CASZ1: variants seen among roughly 807,000 people sequenced by gnomAD.
The protein encoded by CASZ1 is castor zinc finger 1.
In CASZ1, 28 loss-of-function variants were observed where a neutral mutation model predicts 135.2. That is an observed-to-expected ratio of 0.21 (90% confidence interval 0.15 to 0.28). CASZ1 has a LOEUF of 0.28. Ranked by LOEUF, CASZ1 falls within the 10% of genes least tolerant of loss-of-function variation. CASZ1 has a pLI of 1.00. For synonymous variants in CASZ1, 1,068 were observed against 1,073.4 expected, an observed-to-expected ratio of 0.99 and a Z score of 0.10; for missense variants, 2,161 against 2,453.3, an observed-to-expected ratio of 0.88 and a Z score of 2.52.
chr1:10,713,215 T>G (rs1253613227), intron 2 of CASZ1, among the ~76,000 whole-genome samples: 1 of 152,214 alleles, frequency 6.6e-6, no homozygotes, highest in Non-Finnish European at 1.5e-5. Context: ...GAAAATCAGC[T>G]CATTACATCC....
At chr1:10,702,472 T>C (rs1639081320) in intron 3 of CASZ1, among the ~76,000 whole-genome samples, 1 of 152,066 alleles carries the variant, frequency 6.6e-6, no homozygotes, top group Non-Finnish European at 1.5e-5. Flanking sequence ...AGCATCTGGG[T>C]GGAACAGGGA....
At chr1:10,654,274 C>T (rs928345398) in intron 10 of CASZ1, 56 bp from the exon 11 acceptor site, 10 of 1,521,602 alleles carry the variant, frequency 6.6e-6, no homozygotes, top group African/African-American at 6.4e-5. Context: ...CACCCTGCTA[C>T]ACCATGGCCC....
chr1:10,723,613 T>C (rs577557333), intron 2 of CASZ1, among the ~76,000 whole-genome samples: 1 of 152,260 alleles, frequency 6.6e-6, no homozygotes, highest in Non-Finnish European at 1.5e-5. Context: ...GGCAATGGGG[T>C]CCTGCGCTTT....
At chr1:10,648,375 G>A (rs1246651347) in intron 15 of CASZ1, 1 of 459,988 alleles carries the variant, frequency 2.2e-6, no homozygotes, top group Non-Finnish European at 3.8e-6. Flanking sequence ...CTTCCTACTT[G>A]TGCCCTTCCT....
intron 1 of CASZ1, among the ~76,000 whole-genome samples, chr1:10,790,696 T>C (rs551119265): frequency 6.6e-6 from 1 of 152,382 alleles, no homozygotes; most frequent in African/African-American, 2.4e-5. Flanking sequence ...GAATATTCTT[T>C]TTAATTGTGT....
chr1:10,639,347 C>T lies in CASZ1; in HGVS notation c.4875G>A (p.Glu1625=). Residue 1625 remains glutamate, a synonymous_variant, in exon 21 of 21, where the codon GAG becomes GAA. Transcript: ENST00000377022. The surrounding 1 kb of genome is among the most constrained non-coding windows in gnomAD (Gnocchi z 4.0). ...ACTGCAGGAAGAGCAGCGAGCCCGG[C>T]TCGGCGCCCAGCGACAGGGAGCCGT... The part of the protein sequence containing the change: ...SLDGSLSLGA[E]PGSLLFLQSA... 6.6e-7 allele frequency: 1 copy of T among 1,512,472 alleles called. No homozygotes were observed. Among genetic ancestry groups the T allele is most frequent in the Non-Finnish European group, 8.8e-7 (1 of 1,135,220 alleles). The allele number at this position is 1,512,472 out of a possible 1,614,324, so 93.7% of individuals were successfully genotyped here.
intron 18 of CASZ1, 58 bp downstream of exon 18, chr1:10,644,857 CGG>C (rs1189942769): frequency 8.4e-6 from 13 of 1,544,194 alleles, no homozygotes; most frequent in Non-Finnish European, 1.1e-5. Context: ...GCCCAGGCCA[CGG>C]GGGCCATGGT....
rs924454991 is a variant in CASZ1 at position 10,757,767 on chromosome 1, G to A, written c.-77+2934C>T. ...TGCACTGCTGCACTCCAGCCTGGGT[G>A]ACAGAGTGAGACTCCATCTCAAACA... On this transcript the variant is annotated intron_variant, in intron 2 of 20. Transcript: ENST00000377022. This position sits in a 1 kb window ranked among gnomAD's most constrained non-coding sequence, Gnocchi z 4.6. 1.3e-5 allele frequency among the ~76,000 whole-genome samples: 2 copies of A among 152,166 alleles called. No individual in the cohort carries two copies. Among genetic ancestry groups the A allele is most frequent in the African/African-American group, 4.8e-5 (2 of 41,432 alleles).
chr1:10,778,480 A>C (rs532824428), intron 1 of CASZ1, among the ~76,000 whole-genome samples: 17 of 152,300 alleles, frequency 1.1e-4, no homozygotes, highest in African/African-American at 4.1e-4. Flanking sequence ...ACATAGTCTC[A>C]CAATCACAGT....
rs1182492391 is a variant in CASZ1, at chr1:10,719,530, G to A, written c.-76-13986C>T. Among the ~76,000 whole-genome samples the A allele has an allele frequency of 6.6e-6, 1 of 152,212 alleles. No homozygotes were observed. Among genetic ancestry groups the A allele is most frequent in the Admixed American group, 6.5e-5 (1 of 15,282 alleles). ...TAAGAAGCAGCGCTGTGGGGAAGGT[G>A]GCACCGAACAAGTTTCTAAGGGACA... On this transcript the variant is annotated intron_variant, in intron 2 of 20. Coordinates refer to ENST00000377022, the MANE Select transcript of CASZ1 (RefSeq NM_001079843.3). This position sits in a 1 kb window ranked among gnomAD's most constrained non-coding sequence, Gnocchi z 4.0.
intron 2 of CASZ1, among the ~76,000 whole-genome samples, chr1:10,754,064 T>C (rs1314494886): frequency 1.3e-5 from 2 of 152,120 alleles, no homozygotes; most frequent in Non-Finnish European, 2.9e-5. Context: ...TCACACCTGC[T>C]ATGAATGCTC....
intron 5 of CASZ1, chr1:10,661,078 C>T (rs1336487125): frequency 3.6e-5 from 6 of 166,048 alleles, no homozygotes; most frequent in South Asian, 1.5e-4. Context: ...GATGAAGGGT[C>T]CACTACAAGC....
In CASZ1 at chr1:10,639,397, C is replaced by G. The variant is rs1444233096; in HGVS notation, c.4825G>C (p.Ala1609Pro). Residue 1609 changes from alanine (A) to proline (P), a missense_variant, in exon 21 of 21, where the codon GCG becomes CCG. Ala to Pro is a conservative substitution (Grantham distance 27). Around this residue, in one of 7 missense-constraint regions of CASZ1, gnomAD observed 240 missense variants for 321.4 expected, o/e 0.75. Transcript: ENST00000377022. This position sits in a 1 kb window ranked among gnomAD's most constrained non-coding sequence, Gnocchi z 4.0. ...TCCAGACTGATGGGAGGCCCGGGCG[C>G]GGGGCCCTCTGCCGCGGGCTCGCCG... ...ERGEPAAEGP[A>P]PGPPISLDGS... 1.3e-6 allele frequency: 2 copies of G among 1,547,240 alleles called. No homozygotes were observed. Among genetic ancestry groups the G allele is most frequent in the Non-Finnish European group, 1.7e-6 (2 of 1,146,378 alleles).
chr1:10,684,001 C>T (rs1344950624), intron 4 of CASZ1, among the ~76,000 whole-genome samples: 2 of 152,216 alleles, frequency 1.3e-5, no homozygotes, highest in African/African-American at 4.8e-5. Flanking sequence ...GGGCGCCCCG[C>T]ACCAAGTCCT....
rs963327768 is a variant in CASZ1 at position 10,701,533 on chromosome 1, G to A, written c.-24+3959C>T. Among the ~76,000 whole-genome samples, 1 of 151,056 alleles carries A rather than the reference G, an allele frequency of 6.6e-6. No homozygotes were observed. Among genetic ancestry groups the A allele is most frequent in the African/African-American group, 2.5e-5 (1 of 40,448 alleles). On this transcript the variant is annotated intron_variant, in intron 3 of 20. Transcript: ENST00000377022. The surrounding 1 kb of genome is among the most constrained non-coding windows in gnomAD (Gnocchi z 6.3). ...TCAGAGTGATGGAGTGATGGGAGGA[G>A]GGGGGGCGCGGTCAGAAGAAGGAGA...
At chr1:10,716,507 G>C (rs935784192) in intron 2 of CASZ1, among the ~76,000 whole-genome samples, 1 of 152,250 alleles carries the variant, frequency 6.6e-6, no homozygotes, top group Non-Finnish European at 1.5e-5. Context: ...CATCTGGGGG[G>C]ATACTGAGGG....
At chr1:10,712,549 G>A (rs1158213593) in intron 2 of CASZ1, among the ~76,000 whole-genome samples, 2 of 152,052 alleles carry the variant, frequency 1.3e-5, no homozygotes, top group Admixed American at 6.6e-5. Flanking sequence ...CCAGGGGGGT[G>A]GGTAGGTGAG....
intron 18 of CASZ1, among the ~76,000 whole-genome samples, 160 bp from the exon 19 acceptor site, chr1:10,643,471 A>C (rs1258514811): frequency 6.6e-6 from 1 of 152,214 alleles, no homozygotes; most frequent in Non-Finnish European, 1.5e-5. Context: ...CTTAGGAGGA[A>C]GGTCAGGAAG....
At position 10,709,059 on chromosome 1, in the gene CASZ1, C is replaced by T. The variant is rs1363583065; in HGVS notation, c.-76-3515G>A. On this transcript the variant is annotated intron_variant, in intron 2 of 20. Transcript: ENST00000377022. The surrounding 1 kb of genome is among the most constrained non-coding windows in gnomAD (Gnocchi z 5.1). ...CAGGCGGAGAAGTGGCAGGGACCAG[C>T]GTACCAGGACCTGAAGGGGCCTCCT... 4.6e-5 allele frequency among the ~76,000 whole-genome samples: 7 copies of T among 151,956 alleles called. No individual in the cohort carries two copies. Among genetic ancestry groups the T allele is most frequent in the African/African-American group, 7.3e-5 (3 of 41,338 alleles).
Sources: gnomAD v4.1 joint callset for allele counts (sites outside exome capture counted in the v4.1 genomes callset) on GRCh38, gnomAD v4.1.1 for gene constraint, gnomAD v4.1.1 regional missense constraint, Gnocchi (gnomAD v3.1) non-coding constraint, MANE v1.5 for transcripts, NCBI Gene and HGNC (gene_info 2026-07-23, HGNC 2026-07-21) for gene names.